Variants in OSBPL10 observed in about 807,000 individuals in gnomAD.
The protein encoded by OSBPL10 is oxysterol binding protein like 10, also known as oxysterol-binding protein-related protein 10.
Under a neutral mutation model 81.7 loss-of-function variants are expected in OSBPL10, and 49 were observed. The observed-to-expected ratio is 0.60, with a 90% CI of 0.48 to 0.76. OSBPL10 has a LOEUF of 0.76. Among genes scored for constraint, OSBPL10 ranks in the 30% least tolerant of loss-of-function variants. OSBPL10 has a pLI of 0.00. For missense variants in OSBPL10, 923 were observed against 987.8 expected (o/e 0.93, Z 0.88); for synonymous variants, 419 against 383.6 (o/e 1.09, Z -1.08).
At chr3:32,023,098 T>C (rs973806042) in intron 2 of OSBPL10, among the ~76,000 whole-genome samples, 9 of 152,216 alleles carry the variant, frequency 5.9e-5, no homozygotes, top group African/African-American at 2.2e-4. Flanking sequence ...TAAGCTACTA[T>C]TAACTTCTTG....
chr3:31,828,966 G>GAA (rs1360640109), intron 4 of OSBPL10, among the ~76,000 whole-genome samples: 2 of 151,346 alleles, frequency 1.3e-5, no homozygotes, highest in East Asian at 3.9e-4. Flanking sequence ...AATCTTTCAA[G>GAA]AAAAAAAAAT....
upstream of OSBPL10, among the ~76,000 whole-genome samples, chr3:31,982,691 T>G (rs1698874766): frequency 6.6e-6 from 1 of 152,062 alleles, no homozygotes; most frequent in Non-Finnish European, 1.5e-5. Context: ...TGGACCAAAT[T>G]TGAAGCCATT....
At chr3:31,720,538 T>A (rs981873446) in intron 6 of OSBPL10, among the ~76,000 whole-genome samples, 4 of 152,188 alleles carry the variant, frequency 2.6e-5, no homozygotes, top group African/African-American at 9.6e-5. Flanking sequence ...CCTAGTTTTA[T>A]CTCCATGCTC....
intron 2 of OSBPL10, among the ~76,000 whole-genome samples, chr3:32,042,493 C>A (rs148963136): frequency 6.6e-6 from 1 of 152,182 alleles, no homozygotes. Flanking sequence ...GTTCCATGGT[C>A]AGAATGGATC....
At chr3:31,982,254 C>T (rs970885916), upstream of OSBPL10, among the ~76,000 whole-genome samples, 1 of 152,190 alleles carries the variant, frequency 6.6e-6, no homozygotes, top group Non-Finnish European at 1.5e-5. Flanking sequence ...CCTAAAGATA[C>T]TCTTTCTATC....
At chr3:31,844,168 A>T (rs915169961) in intron 3 of OSBPL10, among the ~76,000 whole-genome samples, 2 of 152,236 alleles carry the variant, frequency 1.3e-5, no homozygotes, top group African/African-American at 4.8e-5. Flanking sequence ...TATCTTTGGG[A>T]TTGTGACTTA....
chr3:31,905,345 ATTTTTTTT>A (rs386396290), intron 1 of OSBPL10, among the ~76,000 whole-genome samples: 2 of 94,818 alleles, frequency 2.1e-5, no homozygotes, highest in African/African-American at 4.7e-5. Flanking sequence ...GAACCTGGTG[ATTTTTTTT>A]TTTTTTTTTT....
chr3:31,709,460 G>A (rs1389508395), intron 6 of OSBPL10: 1 of 152,184 alleles, frequency 6.6e-6, no homozygotes, highest in African/African-American at 2.4e-5. Context: ...TATATTGAGA[G>A]GATTCAACAG....
At chr3:31,724,626 GA>G (rs11302244) in intron 6 of OSBPL10, among the ~76,000 whole-genome samples, 149,968 of 152,140 alleles carry the variant, frequency 0.99, 73,921 homozygotes, top group Middle Eastern at 1. Context: ...ATGGAGGAAA[GA>G]AAAAAAATCC....
intron 7 of OSBPL10, among the ~76,000 whole-genome samples, chr3:31,695,369 G>A (rs1228076657): frequency 6.6e-6 from 1 of 152,106 alleles, no homozygotes; most frequent in East Asian, 1.9e-4. Flanking sequence ...CCCTCTCTCT[G>A]CTATTGCCCC....
At chr3:31,926,106 T>C (rs1351756290) in intron 1 of OSBPL10, among the ~76,000 whole-genome samples, 1 of 152,244 alleles carries the variant, frequency 6.6e-6, no homozygotes, top group Non-Finnish European at 1.5e-5. Context: ...CTAGTACACA[T>C]GTACGTTTCC....
chr3:31,818,049 T>C (rs1699889212), intron 4 of OSBPL10, among the ~76,000 whole-genome samples: 1 of 152,138 alleles, frequency 6.6e-6, no homozygotes, highest in East Asian at 1.9e-4. Flanking sequence ...GAAGTAGCAG[T>C]GAGCCAGGAT....
At chr3:31,968,511 GA>G (rs10712976) in intron 1 of OSBPL10, among the ~76,000 whole-genome samples, 56,314 of 130,398 alleles carry the variant, frequency 0.43, 12,902 homozygotes, top group African/African-American at 0.68. Flanking sequence ...TTTTGAAGGG[GA>G]AAAAAAAAAA....
rs1357165372 is a variant in OSBPL10 at position 31,958,718 on chromosome 3, G to A, written c.281+22181C>T. ...CTCACACAAGAGCCAAGGGTGTTTC[G>A]GCTTTGTGTTCCAAAAGCCTCTAAA... On this transcript the variant is annotated intron_variant, in intron 1 of 11. Coordinates refer to ENST00000396556, the MANE Select transcript of OSBPL10 (RefSeq NM_017784.5). Among the ~76,000 whole-genome samples, 3 of 151,896 alleles carry A rather than the reference G, an allele frequency of 2.0e-5. No homozygotes were observed. In the East Asian group the frequency reaches 5.8e-4, roughly 29 times the overall value.
chr3:31,843,167 G>A (rs1172969936), intron 3 of OSBPL10, among the ~76,000 whole-genome samples: 1 of 152,172 alleles, frequency 6.6e-6, no homozygotes, highest in Non-Finnish European at 1.5e-5. Flanking sequence ...AAGCCTGTTT[G>A]GAAAGTCCAC....
chr3:32,000,465 C>T (rs7636355), intron 2 of OSBPL10, among the ~76,000 whole-genome samples: 86,220 of 151,812 alleles, frequency 0.57, 27,228 homozygotes, highest in African/African-American at 0.84. Context: ...ACCAGTGGGC[C>T]TCTGTGAGGG....
At chr3:31,941,103 G>C (rs961901964) in intron 1 of OSBPL10, among the ~76,000 whole-genome samples, 13 of 152,088 alleles carry the variant, frequency 8.5e-5, no homozygotes, top group Non-Finnish European at 1.6e-4. Flanking sequence ...TTCAAAAATT[G>C]CTTTCTCCTC....
At chr3:31,895,454 A>C (rs1179767484) in intron 1 of OSBPL10, among the ~76,000 whole-genome samples, 1 of 151,704 alleles carries the variant, frequency 6.6e-6, no homozygotes, top group Non-Finnish European at 1.5e-5. Context: ...TTTTTAAACA[A>C]TCCCAATCCC....
At position 31,670,924 on chromosome 3, in the gene OSBPL10, C is replaced by A; in HGVS notation, c.1786G>T (p.Ala596Ser). 6.2e-7 allele frequency: 1 copy of A among 1,614,116 alleles called. No homozygotes were observed. The highest frequency in any genetic ancestry group is 8.5e-7 in the Non-Finnish European group (1 of 1,179,994). Reference sequence around the variant, plus strand: ...CACGGGATGGTGAGAATGGACCGGGCGTAGGCACTAGGCAGGGTGAATACG... The same window carrying A: ...CACGGGATGGTGAGAATGGACCGGGAGTAGGCACTAGGCAGGGTGAATACG... ...EYVFTLPSAY[A>S]RSILTIPWVE... Residue 596 changes from alanine to serine, a missense_variant, in exon 9 of 12, where the codon GCC becomes TCC. By Grantham distance (99) the Ala-to-Ser change is moderately conservative. Transcript: ENST00000396556.
Sources: allele counts gnomAD v4.1 joint callset (sites outside exome capture counted in the v4.1 genomes callset), GRCh38; gene constraint gnomAD v4.1.1; transcripts MANE v1.5; gene names NCBI Gene and HGNC (gene_info 2026-07-23, HGNC 2026-07-21).